BTBD8: variants seen among roughly 807,000 people sequenced by gnomAD.
BTBD8 encodes the protein BTB/POZ domain-containing protein 8.
Under a neutral mutation model 162.9 loss-of-function variants are expected in BTBD8, and 110 were observed. That is an observed-to-expected ratio of 0.68 (90% CI 0.58 to 0.79). The LOEUF (loss-of-function observed/expected upper bound fraction) is 0.79. Ranked by LOEUF, BTBD8 falls within the 30% of genes least tolerant of loss-of-function variation. BTBD8 has a pLI of 0.00. For synonymous variants in BTBD8, 667 were observed against 716.1 expected, an observed-to-expected ratio of 0.93 and a Z score of 1.10; for missense variants, 1,905 against 2,085.4, an observed-to-expected ratio of 0.91 and a Z score of 1.68.
At chr1:92,153,057 CT>C (rs1261866866) in intron 9 of BTBD8, among the ~76,000 whole-genome samples, 1 of 151,908 alleles carries the variant, frequency 6.6e-6, no homozygotes, top group African/African-American at 2.4e-5. Flanking sequence ...AGCAAGCAGT[CT>C]TTTTTTTAGC....
At chr1:92,163,848 CTA>C (rs1650324650) in intron 9 of BTBD8, among the ~76,000 whole-genome samples, 1 of 152,146 alleles carries the variant, frequency 6.6e-6, no homozygotes, top group African/African-American at 2.4e-5. Flanking sequence ...TGTTATTTAA[CTA>C]TGTCCATATT....
chr1:92,178,029 C>T (rs1045704364), intron 15 of BTBD8, 131 bp downstream of exon 15: 1 of 570,526 alleles, frequency 1.8e-6, no homozygotes, highest in East Asian at 3.0e-5. Context: ...TATTTTAACA[C>T]AGTTTTTTAT....
intron 2 of BTBD8, 68 bp downstream of exon 2, chr1:92,088,963 TTAATA>T: frequency 1.5e-6 from 2 of 1,303,348 alleles, no homozygotes; most frequent in East Asian, 2.6e-5. Flanking sequence ...ATGTTTTTAT[TTAATA>T]TATTTTCATA....
intron 4 of BTBD8, chr1:92,125,945 T>C (rs1015329943): frequency 5.6e-5 from 25 of 450,156 alleles, no homozygotes; most frequent in Non-Finnish European, 9.3e-5. Flanking sequence ...TTTTGATTTA[T>C]GGAACACCTA....
chr1:92,119,893 CTTTTTTTTT>C (rs58297367), intron 4 of BTBD8, among the ~76,000 whole-genome samples: 2 of 58,386 alleles, frequency 3.4e-5, no homozygotes, highest in Admixed American at 3.1e-4. Flanking sequence ...CGGCCCTTTT[CTTTTTTTTT>C]TTTTTTTTTT....
At chr1:92,083,489 A>G (rs1047444018) in intron 1 of BTBD8, among the ~76,000 whole-genome samples, 2 of 152,120 alleles carry the variant, frequency 1.3e-5, no homozygotes, top group Admixed American at 1.3e-4. Flanking sequence ...ATGTAGGGGC[A>G]TGTGGTACAA....
At chr1:92,084,732 G>T (rs1192030772) in intron 1 of BTBD8, among the ~76,000 whole-genome samples, 2 of 152,146 alleles carry the variant, frequency 1.3e-5, no homozygotes, top group African/African-American at 2.4e-5. Flanking sequence ...GGTCTCTTCA[G>T]CCTCTGGAGC....
In BTBD8 at chr1:92,141,081, T is replaced by C. The variant is rs544082398; in HGVS notation, c.834-34T>C. 1.9e-5 allele frequency: 29 copies of C among 1,499,084 alleles called. 1 individual carries two copies. In the South Asian group the frequency reaches 3.7e-4, roughly 19 times the overall value. 92.9% of individuals were successfully genotyped at this position (1,499,084 alleles called of 1,614,324 possible). ...ATGTGTTGTGCCTTGATTTTTAAATTGGAGAATTAACAGTGCATCTATTTT... is the reference window on the plus strand; with the variant it reads ...ATGTGTTGTGCCTTGATTTTTAAATCGGAGAATTAACAGTGCATCTATTTT... On this transcript the variant is annotated intron_variant, in intron 6 of 17. Coordinates refer to ENST00000636805, the MANE Select transcript of BTBD8 (RefSeq NM_001376131.1).
At chr1:92,103,032 A>C (rs897846797) in intron 3 of BTBD8, among the ~76,000 whole-genome samples, 1 of 152,242 alleles carries the variant, frequency 6.6e-6, no homozygotes, top group East Asian at 1.9e-4. Flanking sequence ...CATAAATACT[A>C]TAATACATAT....
At chr1:92,132,308 G>A (rs916423471) in intron 5 of BTBD8, among the ~76,000 whole-genome samples, 2 of 151,894 alleles carry the variant, frequency 1.3e-5, no homozygotes, top group Admixed American at 1.3e-4. Flanking sequence ...AAAGGCAAGG[G>A]GGTGTCCTTT....
At chr1:92,086,537 G>A (rs1341299757) in intron 1 of BTBD8, among the ~76,000 whole-genome samples, 1 of 152,020 alleles carries the variant, frequency 6.6e-6, no homozygotes, top group Non-Finnish European at 1.5e-5. Context: ...AGGCTGCGGT[G>A]GGAGGATCCC....
intron 7 of BTBD8, among the ~76,000 whole-genome samples, chr1:92,143,310 ATT>A (rs879419861): frequency 6.7e-6 from 1 of 148,304 alleles, no homozygotes; most frequent in African/African-American, 2.5e-5. Flanking sequence ...CATTGCCTCT[ATT>A]TTTTTTTTAA....
intron 4 of BTBD8, 108 bp downstream of exon 4, chr1:92,108,109 C>T (rs1202766940): frequency 9.5e-7 from 1 of 1,056,136 alleles, no homozygotes; most frequent in East Asian, 2.4e-5. Context: ...TCACACAGGC[C>T]ACAGGGGTTC....
intron 4 of BTBD8, among the ~76,000 whole-genome samples, chr1:92,109,951 G>A (rs529635506): frequency 6.6e-6 from 1 of 152,282 alleles, no homozygotes; most frequent in Admixed American, 6.5e-5. Flanking sequence ...TTTATGACTG[G>A]AATTTTATTC....
intron 2 of BTBD8, among the ~76,000 whole-genome samples, chr1:92,101,248 CA>C (rs1239565032): frequency 6.6e-6 from 1 of 152,026 alleles, no homozygotes; most frequent in African/African-American, 2.4e-5. Context: ...TTGTCATTTT[CA>C]GTCTCATATC....
chr1:92,182,526 C>T lies in BTBD8; in HGVS notation c.4843C>T (p.Pro1615Ser). ...SLDSFRSQVL[P>S]QEGPVKESHS... Reference sequence around the variant, plus strand: ...AGACTCCTTTCGGAGTCAAGTTCTGCCTCAGGAAGGTCCAGTGAAAGAGAG... The same window carrying T: ...AGACTCCTTTCGGAGTCAAGTTCTGTCTCAGGAAGGTCCAGTGAAAGAGAG... The change falls in exon 17 of 18, where the codon CCT (proline) becomes TCT (serine). Residue 1615 changes from proline (P) to serine (S), a missense_variant. By Grantham distance (74) the Pro-to-Ser change is moderately conservative. This residue lies in a region of BTBD8 where 517 missense variants were observed against 606.6 expected (regional missense o/e 0.85). Coordinates refer to ENST00000636805, the MANE Select transcript of BTBD8 (RefSeq NM_001376131.1). 6.5e-7 allele frequency: 1 copy of T among 1,543,650 alleles called. No individual in the cohort carries two copies. The highest frequency in any genetic ancestry group is 8.7e-7 in the Non-Finnish European group (1 of 1,144,786).
intron 4 of BTBD8, among the ~76,000 whole-genome samples, chr1:92,116,745 A>T (rs529505585): frequency 1.3e-5 from 2 of 151,808 alleles, no homozygotes; most frequent in Non-Finnish European, 1.5e-5. Flanking sequence ...GCAAATAGTT[A>T]TGTCTTGCTT....
chr1:92,118,980 A>G (rs768946813), intron 4 of BTBD8, among the ~76,000 whole-genome samples: 5 of 150,692 alleles, frequency 3.3e-5, no homozygotes, highest in Non-Finnish European at 7.4e-5. Context: ...CAAACGATAC[A>G]CCTATCTACA....
intron 15 of BTBD8, 103 bp from the exon 16 acceptor site, chr1:92,178,209 G>A (rs1481867515): frequency 2.3e-6 from 2 of 853,470 alleles, no homozygotes; most frequent in African/African-American, 1.7e-5. Flanking sequence ...CAGGAGAGAT[G>A]TATTTTTTAT....
Sources: gnomAD v4.1 joint callset for allele counts (sites outside exome capture counted in the v4.1 genomes callset) on GRCh38, gnomAD v4.1.1 for gene constraint, gnomAD v4.1.1 regional missense constraint, MANE v1.5 for transcripts, NCBI Gene and HGNC (gene_info 2026-07-23, HGNC 2026-07-21) for gene names.